ZBTB49: variants seen among roughly 807,000 people sequenced by gnomAD.
ZBTB49 encodes zinc finger and BTB domain-containing protein 49.
Under a neutral mutation model 57.5 loss-of-function variants are expected in ZBTB49, and 43 were observed. The observed-to-expected ratio is 0.75, with a 90% CI of 0.59 to 0.97. The LOEUF (loss-of-function observed/expected upper bound fraction) is 0.97. Among genes scored for constraint, ZBTB49 ranks in the 50% least tolerant of loss-of-function variants. The pLI is 0.00. For missense variants in ZBTB49, 938 were observed against 947.7 expected (o/e 0.99, Z 0.13); for synonymous variants, 369 against 362.1 (o/e 1.02, Z -0.22).
At chr4:4,299,727 G>A (rs1312119512) in intron 1 of ZBTB49, among the ~76,000 whole-genome samples, 200 bp from the exon 2 acceptor site, 1 of 151,856 alleles carries the variant, frequency 6.6e-6, no homozygotes, top group Non-Finnish European at 1.5e-5. Context: ...TTTCCATCAT[G>A]ACAGGTAATT....
Position 4,306,183 on chromosome 4 carries a change from A to C in ZBTB49, c.1301A>C (p.Gln434Pro). 1 of 1,612,334 alleles carries C rather than the reference A, an allele frequency of 6.2e-7. No homozygotes were observed. The highest frequency in any genetic ancestry group is 2.2e-5 in the East Asian group (1 of 44,778). The change falls in exon 4 of 8, where the codon CAG (glutamine) becomes CCG (proline). Residue 434 changes from glutamine (Q) to proline (P), a missense_variant and splice_region_variant. Physicochemically the swap from Gln to Pro is moderately conservative, Grantham distance 76 (BLOSUM62 -1). Transcript: ENST00000337872. ...AACATTTGTGGGAAACATTTCTCTC[A>C]GGTGGGAATACTCTTATTTATTGTT... is the stretch of plus-strand genomic sequence containing the variant. ...ECNICGKHFSQAGNLQTHLRR... is the reference protein window; with the variant it reads ...ECNICGKHFSPAGNLQTHLRR...
rs1721419421 is a variant in ZBTB49, at chr4:4,321,559, A to G, written c.*243A>G. On this transcript the variant is annotated 3_prime_UTR_variant, in exon 8 of 8. Coordinates refer to ENST00000337872, the MANE Select transcript of ZBTB49 (RefSeq NM_145291.4). ...CTGACGTCACAGAAGCGAAGGCTTGATGCTGTCTCAGCAGCCTCAGCTGTG... is the reference window on the plus strand; with the variant it reads ...CTGACGTCACAGAAGCGAAGGCTTGGTGCTGTCTCAGCAGCCTCAGCTGTG... 2 of 548,428 alleles carry G rather than the reference A, an allele frequency of 3.6e-6. No homozygotes were observed. Among genetic ancestry groups the G allele is most frequent in the Non-Finnish European group, 6.4e-6 (2 of 310,478 alleles). The allele number at this position is 548,428 out of a possible 1,614,324, so 34.0% of individuals were successfully genotyped here.
At position 4,302,799 on chromosome 4, in the gene ZBTB49, A is replaced by G; in HGVS notation, c.963A>G (p.Ala321=). The part of the protein sequence containing the change: ...KLNFLKSQKY[A]EQVSEPKSDD... ...ATTTCCTGAAGTCACAGAAATACGCAGAGCAAGTATCTGAACCCAAGTCAG... is the reference window on the plus strand; with the variant it reads ...ATTTCCTGAAGTCACAGAAATACGCGGAGCAAGTATCTGAACCCAAGTCAG... The change falls in exon 3 of 8, where the codon GCA becomes GCG. Residue 321 remains alanine, a synonymous_variant. Transcript: ENST00000337872. 1 of 1,614,184 alleles carries G rather than the reference A, an allele frequency of 6.2e-7. No homozygotes were observed. The highest frequency in any genetic ancestry group is 8.5e-7 in the Non-Finnish European group (1 of 1,180,008).
At chr4:4,296,102 A>G (rs974268342) in intron 1 of ZBTB49, among the ~76,000 whole-genome samples, 3 of 152,218 alleles carry the variant, frequency 2.0e-5, no homozygotes, top group Non-Finnish European at 4.4e-5. Flanking sequence ...CAGGTACAGG[A>G]TAGGGATGGG....
chr4:4,301,913 A>T, intron 2 of ZBTB49, 76 bp from the exon 3 acceptor site: 1 of 1,307,662 alleles, frequency 7.6e-7, no homozygotes, highest in African/African-American at 1.5e-5. Context: ...TTTAATATTA[A>T]TATATGAATG....
At chr4:4,293,090 A>G (rs1317264046) in intron 1 of ZBTB49, among the ~76,000 whole-genome samples, 2 of 152,226 alleles carry the variant, frequency 1.3e-5, no homozygotes, top group Admixed American at 1.3e-4. Context: ...CTCCATTTTT[A>G]TAGATGAAAA....
chr4:4,298,885 G>T (rs1277205929), intron 1 of ZBTB49, among the ~76,000 whole-genome samples: 1 of 152,154 alleles, frequency 6.6e-6, no homozygotes, highest in African/African-American at 2.4e-5. Flanking sequence ...TAACTGTTTT[G>T]TTTAGTCGTG....
At chr4:4,292,966 T>G (rs571428808) in intron 1 of ZBTB49, among the ~76,000 whole-genome samples, 8 of 152,208 alleles carry the variant, frequency 5.3e-5, no homozygotes, top group Non-Finnish European at 8.8e-5. Flanking sequence ...CATATTTTCA[T>G]TTTTTGACGC....
In ZBTB49 at chr4:4,313,115, G is replaced by T. The variant is rs1721044101; in HGVS notation, c.1376+1G>T. 3.7e-6 allele frequency: 6 copies of T among 1,614,022 alleles called. No homozygotes were observed. The highest frequency in any genetic ancestry group is 5.1e-6 in the Non-Finnish European group (6 of 1,180,036). ...ACATCTGCGAGATCTGTGGAAAGAGGTCAGTGCTGGGCGTGTTCTTCCGTG... is the reference window on the plus strand; with the variant it reads ...ACATCTGCGAGATCTGTGGAAAGAGTTCAGTGCTGGGCGTGTTCTTCCGTG... On this transcript the variant is annotated splice_donor_variant, in intron 5 of 7. Coordinates refer to ENST00000337872, the MANE Select transcript of ZBTB49 (RefSeq NM_145291.4). LOFTEE classifies it high-confidence loss of function.
At chr4:4,308,072 TTTTATTTA>T (rs1264713756) in intron 4 of ZBTB49, among the ~76,000 whole-genome samples, 2 of 152,012 alleles carry the variant, frequency 1.3e-5, no homozygotes, top group Non-Finnish European at 2.9e-5. Context: ...GGTATTGATG[TTTTATTTA>T]TTTATTTATT....
Position 4,315,981 on chromosome 4 carries a change from G to A in ZBTB49, c.1621+11G>A, listed in dbSNP as rs772291088. The stretch of plus-strand genomic sequence containing the variant: ...GCTGCTCTGCCTGCGGTGAGTTTGG[G>A]TTTCTGGCTGTCCCCTAGTCATCTG... On this transcript the variant is annotated intron_variant, in intron 7 of 7. Transcript: ENST00000337872. 3.0e-5 allele frequency: 48 copies of A among 1,613,114 alleles called. No homozygotes were observed. The East Asian group carries it at 1.0e-3, about 34-fold the overall frequency.
chr4:4,308,344 T>C (rs1432936792), intron 4 of ZBTB49, among the ~76,000 whole-genome samples: 1 of 152,176 alleles, frequency 6.6e-6, no homozygotes, highest in East Asian at 1.9e-4. Flanking sequence ...CCCAAAGTGC[T>C]GGGATTACAG....
At chr4:4,314,360 G>A (rs1721102097) in intron 5 of ZBTB49, among the ~76,000 whole-genome samples, 1 of 152,176 alleles carries the variant, frequency 6.6e-6, no homozygotes, top group Non-Finnish European at 1.5e-5. Context: ...AGTGAGGCAT[G>A]TGTTTATTTT....
Position 4,303,060 on chromosome 4 carries a change from C to T in ZBTB49, c.1224C>T (p.Ser408=). The change falls in exon 3 of 8, where the codon AGC becomes AGT. Residue 408 remains serine (S), a synonymous_variant. Coordinates refer to ENST00000337872, the MANE Select transcript of ZBTB49 (RefSeq NM_145291.4). ...GCGGGAAACCTTTTAAACACCCAAG[C>T]AACTTGGAGCTTCACAAACGGTCTC... The part of the protein sequence containing the change: ...ELCGKPFKHP[S]NLELHKRSHT... The T allele has an allele frequency of 6.2e-7, 1 of 1,610,228 alleles. No homozygotes were observed. Among genetic ancestry groups the T allele is most frequent in the Non-Finnish European group, 8.5e-7 (1 of 1,177,742 alleles).
intron 5 of ZBTB49, among the ~76,000 whole-genome samples, chr4:4,314,090 C>T (rs1040859928): frequency 6.6e-6 from 1 of 152,210 alleles, no homozygotes; most frequent in African/African-American, 2.4e-5. Context: ...AAGCGACTCT[C>T]GATTCAGTTT....
In ZBTB49 at chr4:4,321,295, T is replaced by C. The variant is rs756216014; in HGVS notation, c.2277T>C (p.Asn759=). 1 of 1,612,060 alleles carries C rather than the reference T, an allele frequency of 6.2e-7. No homozygotes were observed. The highest frequency in any genetic ancestry group is 1.3e-5 in the African/African-American group (1 of 75,032). Residue 759 remains asparagine (N), a synonymous_variant, in exon 8 of 8, where the codon AAT becomes AAC. Transcript: ENST00000337872. ...GGCTAGCGATGAAGACGCTGCAGAA[T>C]GAAAACGAGTTAGACCAGTGATGTA... ...LWGLAMKTLQ[N]ENELDQ is the part of the protein sequence containing the mutation.
intron 1 of ZBTB49, among the ~76,000 whole-genome samples, chr4:4,295,198 C>T (rs1214467159): frequency 1.3e-5 from 2 of 152,160 alleles, no homozygotes; most frequent in Non-Finnish European, 2.9e-5. Context: ...TTAACTGACT[C>T]ACAGTTCTTC....
rs1720097577 is a variant in ZBTB49 at position 4,294,591 on chromosome 4, G to A, written c.-20+4239G>A. On this transcript the variant is annotated intron_variant, in intron 1 of 7. Transcript: ENST00000337872. ...ACTGGTCTCGAACTCGTAGCCTTAG[G>A]TGATCCGCCTGCCTCGGCCTCCCAA... Among the ~76,000 whole-genome samples, 4 of 152,124 alleles carry A rather than the reference G, an allele frequency of 2.6e-5. No homozygotes were observed. The South Asian group carries it at 8.3e-4, about 31-fold the overall frequency.
chr4:4,315,357 G>A (rs985171837), intron 5 of ZBTB49, among the ~76,000 whole-genome samples: 13 of 152,108 alleles, frequency 8.5e-5, no homozygotes. Context: ...TGAACCGTAC[G>A]GTATCTGATC....
Sources: gnomAD v4.1 joint callset for allele counts (sites outside exome capture counted in the v4.1 genomes callset) on GRCh38, gnomAD v4.1.1 for gene constraint, MANE v1.5 for transcripts, NCBI Gene and HGNC (gene_info 2026-07-23, HGNC 2026-07-21) for gene names.